The following ADAMTS17 variants were observed in gnomAD, a reference collection of about 807,000 sequenced individuals.
ADAMTS17 encodes the protein A disintegrin and metalloproteinase with thrombospondin motifs 17.
In ADAMTS17, 113 loss-of-function variants were observed where a neutral mutation model predicts 141.5. The ratio of observed to expected loss-of-function variants is 0.80; its 90% confidence interval spans 0.69 to 0.93. The LOEUF is 0.93. ADAMTS17 is among the 40% of genes least tolerant of loss of function. The pLI is 0.00. For synonymous variants in ADAMTS17, 768 were observed against 630.6 expected (o/e 1.22, Z -3.27); for missense variants, 1,659 against 1,517.9 (o/e 1.09, Z -1.54).
chr15:100,115,893 G>A (rs1449842266), intron 13 of ADAMTS17, among the ~76,000 whole-genome samples: 1 of 152,168 alleles, frequency 6.6e-6, no homozygotes, highest in African/African-American at 2.4e-5. Flanking sequence ...CTTATTTTCT[G>A]TGAGTCAACT....
chr15:100,341,250 G>A lies in ADAMTS17; in HGVS notation c.239C>T (p.Ala80Val). The A allele has an allele frequency of 7.4e-7, 1 of 1,356,172 alleles. No individual in the cohort carries two copies. Among genetic ancestry groups the A allele is most frequent in the Non-Finnish European group, 9.5e-7 (1 of 1,051,546 alleles). 84.0% of individuals were successfully genotyped at this position (1,356,172 alleles called of 1,614,324 possible). A position where few individuals can be genotyped will look rare whatever the true frequency, so the allele number is the denominator to read the frequency against. ...AAPRARPGERALLLHLPAFGR... is the reference protein window; with the variant it reads ...AAPRARPGERVLLLHLPAFGR... ...GAAGGCCGGCAGGTGCAGCAGCAGG[G>A]CGCGCTCTCCGGGCCGGGCGCGCGG... The change falls in exon 2 of 22, where the codon GCC (alanine) becomes GTC (valine). Residue 80 changes from alanine (A) to valine (V), a missense_variant. Ala to Val is a moderately conservative substitution (Grantham distance 64). Coordinates refer to ENST00000268070, the MANE Select transcript of ADAMTS17 (RefSeq NM_139057.4).
chr15:100,047,083 C>CCCA (rs774364399), intron 18 of ADAMTS17, among the ~76,000 whole-genome samples: 12 of 151,966 alleles, frequency 7.9e-5, no homozygotes, highest in Non-Finnish European at 1.3e-4. Context: ...AATGGCCCCC[C>CCCA]TGGGTGTGGC....
rs1051471318 is a variant in ADAMTS17 at position 100,070,061 on chromosome 15, A to G, written c.2138-16007T>C. Among the ~76,000 whole-genome samples the G allele has an allele frequency of 5.3e-5, 8 of 150,180 alleles. 1 individual carries two copies. The highest frequency in any genetic ancestry group is 1.3e-4 in the Admixed American group (2 of 15,012). On this transcript the variant is annotated intron_variant, in intron 15 of 21. Transcript: ENST00000268070. ...AGGATGGAGGAAGATCTACCAAGCAAATGGAAAACAAAAAAAGGCAGGGGT... is the reference window on the plus strand; with the variant it reads ...AGGATGGAGGAAGATCTACCAAGCAGATGGAAAACAAAAAAAGGCAGGGGT...
rs561762184 is a variant in ADAMTS17, at chr15:100,305,058, A to G, written c.617-23657T>C. ...AGACTTCCAGTCAAGCGCAGCCTATAAGCAGTTAAGTTTCTGGAGAGTCAA... is the reference window on the plus strand; with the variant it reads ...AGACTTCCAGTCAAGCGCAGCCTATGAGCAGTTAAGTTTCTGGAGAGTCAA... On this transcript the variant is annotated intron_variant, in intron 3 of 21. Coordinates refer to ENST00000268070, the MANE Select transcript of ADAMTS17 (RefSeq NM_139057.4). 2.0e-5 allele frequency among the ~76,000 whole-genome samples: 3 copies of G among 152,350 alleles called. 1 individual carries two copies. The South Asian group carries it at 6.2e-4, about 32-fold the overall frequency.
At chr15:100,223,326 ACT>A (rs2042192563) in intron 7 of ADAMTS17, among the ~76,000 whole-genome samples, 1 of 152,246 alleles carries the variant, frequency 6.6e-6, no homozygotes, top group African/African-American at 2.4e-5. Context: ...AGGAAAAAGC[ACT>A]GACTCTTTTT....
chr15:100,125,693 C>T (rs2037696653), intron 12 of ADAMTS17, among the ~76,000 whole-genome samples: 1 of 152,210 alleles, frequency 6.6e-6, no homozygotes, highest in Non-Finnish European at 1.5e-5. Flanking sequence ...TCTGACGTAA[C>T]TCCCACCAAC....
chr15:100,231,583 C>A (rs368433843), intron 7 of ADAMTS17, among the ~76,000 whole-genome samples: 1 of 152,176 alleles, frequency 6.6e-6, no homozygotes, highest in African/African-American at 2.4e-5. Flanking sequence ...CTAAGTGTTA[C>A]AGAAGCTGAT....
intron 7 of ADAMTS17, among the ~76,000 whole-genome samples, chr15:100,205,145 C>G (rs555307967): frequency 5.9e-5 from 9 of 152,254 alleles, no homozygotes; most frequent in Non-Finnish European, 1.5e-5. Context: ...CCAGGTACCT[C>G]CAGGATCCTG....
intron 14 of ADAMTS17, among the ~76,000 whole-genome samples, chr15:100,105,202 G>C (rs2036340212): frequency 6.6e-6 from 1 of 152,230 alleles, no homozygotes; most frequent in Non-Finnish European, 1.5e-5. Flanking sequence ...GGTTACCAGG[G>C]TGCAGCCACC....
intron 10 of ADAMTS17, among the ~76,000 whole-genome samples, chr15:100,147,736 AC>A (rs2038976874): frequency 6.6e-6 from 1 of 152,162 alleles, no homozygotes; most frequent in African/African-American, 2.4e-5. Flanking sequence ...CATACCTTTT[AC>A]TTTTATGTAT....
chr15:100,057,984 G>A (rs1163935449), intron 15 of ADAMTS17, among the ~76,000 whole-genome samples: 2 of 151,974 alleles, frequency 1.3e-5, no homozygotes, highest in African/African-American at 4.8e-5. Context: ...ATCACGATGA[G>A]GGCAGAACAG....
In ADAMTS17 at chr15:100,341,872, G is replaced by C. The variant is rs1743832204; in HGVS notation, c.28C>G (p.Leu10Val). 3 of 1,552,474 alleles carry C rather than the reference G, an allele frequency of 1.9e-6. No individual in the cohort carries two copies. The highest frequency in any genetic ancestry group is 2.6e-6 in the Non-Finnish European group (3 of 1,148,000). Reference protein sequence around the residue: MCDGALLPPLVLPVLLLLVW... With the variant: MCDGALLPPVVLPVLLLLVW... ...AGCAGCAGCAGCACGGGCAGGACGA[G>C]CGGAGGCAGCAGGGCGCCGTCACAC... Residue 10 changes from leucine (L) to valine (V), a missense_variant, in exon 1 of 22, where the codon CTC (leucine) becomes GTC (valine). Physicochemically the swap from Leu to Val is conservative, Grantham distance 32. Transcript: ENST00000268070.
At chr15:100,319,025 TA>T (rs1482960156) in intron 3 of ADAMTS17, among the ~76,000 whole-genome samples, 3 of 152,236 alleles carry the variant, frequency 2.0e-5, no homozygotes, top group Non-Finnish European at 4.4e-5. Flanking sequence ...GGCCTAAGGA[TA>T]AGCACTGAAG....
At chr15:100,101,731 A>G (rs1160968314) in intron 14 of ADAMTS17, among the ~76,000 whole-genome samples, 1 of 152,214 alleles carries the variant, frequency 6.6e-6, no homozygotes, top group Non-Finnish European at 1.5e-5. Flanking sequence ...TAGTTTTCTC[A>G]TATTTGAATT....
In ADAMTS17 at chr15:99,973,867, T is replaced by G; in HGVS notation, c.*535A>C. 1 of 203,638 alleles carries G rather than the reference T, an allele frequency of 4.9e-6. No individual in the cohort carries two copies. Among genetic ancestry groups the G allele is most frequent in the African/African-American group, 2.4e-5 (1 of 42,522 alleles). 12.6% of individuals were successfully genotyped at this position (203,638 alleles called of 1,614,324 possible). A position where few individuals can be genotyped will look rare whatever the true frequency, so the allele number is the denominator to read the frequency against. ...ACGGGCATGGAGGCAACGTCCTGGT[T>G]CTCATGTGGTCAAGAAGGTAGATGG... On this transcript the variant is annotated 3_prime_UTR_variant, in exon 22 of 22. Transcript: ENST00000268070.
chr15:99,995,929 T>C (rs1188456982), intron 19 of ADAMTS17, among the ~76,000 whole-genome samples: 3 of 152,216 alleles, frequency 2.0e-5, no homozygotes, highest in South Asian at 4.1e-4. Context: ...GAGAAATTTC[T>C]TTAAATCTTG....
At chr15:100,229,656 AC>A (rs2042416064) in intron 7 of ADAMTS17, among the ~76,000 whole-genome samples, 1 of 152,168 alleles carries the variant, frequency 6.6e-6, no homozygotes, top group South Asian at 2.1e-4. Context: ...CCCAGAGGCA[AC>A]CACTCAAAGG....
At chr15:100,169,775 C>CG (rs2040090124) in intron 8 of ADAMTS17, among the ~76,000 whole-genome samples, 1 of 152,148 alleles carries the variant, frequency 6.6e-6, no homozygotes, top group African/African-American at 2.4e-5. Context: ...GGTGGAAAGC[C>CG]GGGGGCATCT....
rs371591853 is a variant in ADAMTS17, at chr15:100,093,437, T to C, written c.2137+2919A>G. On this transcript the variant is annotated intron_variant, in intron 15 of 21. Transcript: ENST00000268070. ...GATAAGGCACTCCTCCTTCCCTCATTCTTTAGGGGCAAGCAGAGATGAAAG... is the reference window on the plus strand; with the variant it reads ...GATAAGGCACTCCTCCTTCCCTCATCCTTTAGGGGCAAGCAGAGATGAAAG... 2.6e-4 allele frequency among the ~76,000 whole-genome samples: 39 copies of C among 152,112 alleles called. 1 individual carries two copies. Among genetic ancestry groups the C allele is most frequent in the East Asian group, 1.5e-3 (8 of 5,174 alleles).
Sources: allele counts gnomAD v4.1 joint callset (sites outside exome capture counted in the v4.1 genomes callset), GRCh38; gene constraint gnomAD v4.1.1; transcripts MANE v1.5; gene names NCBI Gene and HGNC (gene_info 2026-07-23, HGNC 2026-07-21).